The following PRKCB variants were observed in gnomAD, a reference collection of about 807,000 sequenced individuals.
PRKCB encodes protein kinase C beta type.
A neutral mutation model predicts 81.5 loss-of-function variants in PRKCB; 13 were observed. That is an observed-to-expected ratio of 0.16 (90% CI 0.10 to 0.25). PRKCB has a LOEUF of 0.25. Ranked by LOEUF, PRKCB falls within the 10% of genes least tolerant of loss-of-function variation. PRKCB has a pLI of 1.00. For missense variants in PRKCB, 509 were observed against 875.7 expected, an observed-to-expected ratio of 0.58 and a Z score of 5.29; for synonymous variants, 335 against 321.4, an observed-to-expected ratio of 1.04 and a Z score of -0.45.
intron 5 of PRKCB, among the ~76,000 whole-genome samples, chr16:24,041,053 A>ATT (rs142356879): frequency 0.038 from 5,199 of 136,940 alleles, 180 homozygotes; most frequent in Non-Finnish European, 0.053. Context: ...TGCAACAATA[A>ATT]TTTTTTTTGT....
chr16:23,914,558 G>A (rs1256425212), intron 2 of PRKCB, among the ~76,000 whole-genome samples: 1 of 152,184 alleles, frequency 6.6e-6, no homozygotes, highest in Non-Finnish European at 1.5e-5. Flanking sequence ...CCTTGGTTGG[G>A]TGATCTTGGG....
At chr16:24,119,985 A>G (rs879444219) in intron 8 of PRKCB, among the ~76,000 whole-genome samples, 1 of 152,220 alleles carries the variant, frequency 6.6e-6, no homozygotes, top group Non-Finnish European at 1.5e-5. Flanking sequence ...AGGAGACGGG[A>G]TAAACATCAA....
intron 9 of PRKCB, among the ~76,000 whole-genome samples, chr16:24,151,227 A>C (rs1967076065): frequency 1.3e-5 from 2 of 152,200 alleles, no homozygotes; most frequent in Non-Finnish European, 2.9e-5. Context: ...TTTTTCCTTT[A>C]ACAAGGAGAA....
chr16:23,893,738 A>C (rs1963330257), intron 2 of PRKCB: 1 of 152,208 alleles, frequency 6.6e-6, no homozygotes, highest in Non-Finnish European at 1.5e-5. Context: ...ACTGTACCAA[A>C]TCTTTTTCCA....
chr16:24,220,315 A>G lies in PRKCB; in HGVS notation c.*5499A>G, dbSNP rs746616204. 9 of 556,202 alleles carry G rather than the reference A, an allele frequency of 1.6e-5. No individual in the cohort carries two copies. The highest frequency in any genetic ancestry group is 2.7e-5 in the Non-Finnish European group (9 of 339,216). The allele number at this position is 556,202 out of a possible 1,614,324, so 34.5% of individuals were successfully genotyped here. ...ATGTTTAGTTTAGAATAAGCGCATT[A>G]TCCAATTATAGAGGTACAATTTTCC... On this transcript the variant is annotated 3_prime_UTR_variant, in exon 17 of 17. Coordinates refer to ENST00000643927, the MANE Select transcript of PRKCB (RefSeq NM_002738.7).
At chr16:23,987,780 T>C (rs531130355) in intron 2 of PRKCB, among the ~76,000 whole-genome samples, 1 of 152,108 alleles carries the variant, frequency 6.6e-6, no homozygotes, top group African/African-American at 2.4e-5. Flanking sequence ...ACACCAAGAC[T>C]GTAAAAGATG....
At chr16:23,992,993 C>G (rs935936613) in intron 3 of PRKCB, among the ~76,000 whole-genome samples, 6 of 152,110 alleles carry the variant, frequency 3.9e-5, no homozygotes, top group Admixed American at 2.6e-4. Context: ...TCTAAGGGAA[C>G]TAACCCTGCA....
At chr16:24,099,532 G>A (rs954947813) in intron 7 of PRKCB, 2 of 152,224 alleles carry the variant, frequency 1.3e-5, no homozygotes, top group Non-Finnish European at 2.9e-5. Context: ...TACAGGCAAA[G>A]ACATAAATCA....
intron 16 of PRKCB, among the ~76,000 whole-genome samples, chr16:24,207,902 A>G (rs894783948): frequency 2.0e-5 from 3 of 152,204 alleles, no homozygotes; most frequent in African/African-American, 4.8e-5. Context: ...CCAAGAGTTC[A>G]TGAGTGTTCT....
At chr16:23,970,991 G>A (rs75464604) in intron 2 of PRKCB, among the ~76,000 whole-genome samples, 1 of 152,166 alleles carries the variant, frequency 6.6e-6, no homozygotes, top group Non-Finnish European at 1.5e-5. Flanking sequence ...TGGGCCTCTG[G>A]CTTAGTTTTC....
intron 2 of PRKCB, among the ~76,000 whole-genome samples, chr16:23,898,389 C>T (rs1278166587): frequency 6.6e-6 from 1 of 152,006 alleles, no homozygotes; most frequent in Non-Finnish European, 1.5e-5. Context: ...TAATTGAGTG[C>T]CTGTTGTGTG....
intron 13 of PRKCB, among the ~76,000 whole-genome samples, chr16:24,181,366 G>A (rs1315463506): frequency 6.6e-6 from 1 of 152,182 alleles, no homozygotes; most frequent in African/African-American, 2.4e-5. Context: ...TTTATTTATA[G>A]CATGAAATAC....
At chr16:24,137,924 C>A (rs1257856625) in intron 9 of PRKCB, among the ~76,000 whole-genome samples, 1 of 152,198 alleles carries the variant, frequency 6.6e-6, no homozygotes, top group East Asian at 1.9e-4. Flanking sequence ...GTACTGACCT[C>A]ATTGAACACC....
chr16:23,910,786 C>T (rs998298739), intron 2 of PRKCB, among the ~76,000 whole-genome samples: 1 of 152,108 alleles, frequency 6.6e-6, no homozygotes, highest in East Asian at 1.9e-4. Context: ...TCATCACCCC[C>T]GAAAGAAACC....
At chr16:24,074,824 TA>T (rs1286632724) in intron 5 of PRKCB, among the ~76,000 whole-genome samples, 1 of 152,154 alleles carries the variant, frequency 6.6e-6, no homozygotes, top group East Asian at 1.9e-4. Context: ...TGGGGCTGTT[TA>T]AATTTAAATT....
chr16:24,069,088 A>G (rs1041510029), intron 5 of PRKCB, among the ~76,000 whole-genome samples: 1 of 152,246 alleles, frequency 6.6e-6, no homozygotes, highest in Non-Finnish European at 1.5e-5. Context: ...AGACTGAGTT[A>G]CCGAGAAGTT....
intron 2 of PRKCB, among the ~76,000 whole-genome samples, chr16:23,883,887 T>G (rs1963160755): frequency 6.6e-6 from 1 of 152,194 alleles, no homozygotes; most frequent in African/African-American, 2.4e-5. Flanking sequence ...ATTTAAAATG[T>G]TCTTAGCAAT....
chr16:24,137,291 C>T lies in PRKCB; in HGVS notation c.1065+13310C>T, dbSNP rs148350594. 8.9e-3 allele frequency among the ~76,000 whole-genome samples: 1,357 copies of T among 152,152 alleles called. 27 individuals carry two copies. The highest frequency in any genetic ancestry group is 0.031 in the African/African-American group (1,283 of 41,522). ...GCAGCCCCGAACTCCTGGGCTCAAG[C>T]GATCCTCCTGCCTCAGCCTCCCGAC... On this transcript the variant is annotated intron_variant, in intron 9 of 16. Transcript: ENST00000643927.
At chr16:23,874,312 C>T (rs932259201) in intron 2 of PRKCB, among the ~76,000 whole-genome samples, 3 of 152,152 alleles carry the variant, frequency 2.0e-5, no homozygotes, top group Non-Finnish European at 4.4e-5. Flanking sequence ...TCCCATGTAA[C>T]GTGTCAGCTA....
Sources: gnomAD v4.1 joint callset for allele counts (sites outside exome capture counted in the v4.1 genomes callset) on GRCh38, gnomAD v4.1.1 for gene constraint, MANE v1.5 for transcripts, NCBI Gene and HGNC (gene_info 2026-07-23, HGNC 2026-07-21) for gene names.